Variants in SPRING1 observed in about 807,000 individuals in gnomAD.
SPRING1 encodes SREBP regulating gene protein.
Under a neutral mutation model 24.7 loss-of-function variants are expected in SPRING1, and 14 were observed. The ratio of observed to expected loss-of-function variants is 0.57; its 90% CI spans 0.37 to 0.88. The LOEUF is 0.88. Among genes scored for constraint, SPRING1 ranks in the 40% least tolerant of loss-of-function variants. The pLI is 0.00. For synonymous variants in SPRING1, 93 were observed against 106.1 expected (o/e 0.88, Z 0.76); for missense variants, 255 against 268.4 (o/e 0.95, Z 0.35).
Position 116,716,314 on chromosome 12 carries a change from G to C in SPRING1, c.*1496C>G, listed in dbSNP as rs1870127887. Reference sequence around the variant, plus strand: ...GGGAAATCACCACTACATATTGCAGGAATGTATTAGAAGGCAAATATGGCC... The same window carrying C: ...GGGAAATCACCACTACATATTGCAGCAATGTATTAGAAGGCAAATATGGCC... On this transcript the variant is annotated 3_prime_UTR_variant, in exon 5 of 5. Coordinates refer to ENST00000261318, the MANE Select transcript of SPRING1 (RefSeq NM_024738.4). 6.6e-6 allele frequency: 1 copy of C among 152,138 alleles called. No individual in the cohort carries two copies. Among genetic ancestry groups the C allele is most frequent in the Non-Finnish European group, 1.5e-5 (1 of 68,030 alleles). 9.4% of individuals were successfully genotyped at this position (152,138 alleles called of 1,614,324 possible). A position where few individuals can be genotyped will look rare whatever the true frequency, so the allele number is the denominator to read the frequency against.
chr12:116,731,090 C>T (rs1184582535), intron 1 of SPRING1, among the ~76,000 whole-genome samples: 1 of 152,244 alleles, frequency 6.6e-6, no homozygotes, highest in Admixed American at 6.5e-5. Flanking sequence ...AGGCATATTT[C>T]CCATTTCATT....
intron 1 of SPRING1, 151 bp from the exon 2 acceptor site, chr12:116,723,374 T>C: frequency 2.2e-6 from 2 of 903,902 alleles, no homozygotes; most frequent in Non-Finnish European, 3.2e-6. Context: ...AAGCAAAGCC[T>C]GAGCCAAAGT....
rs777757647 is a variant in SPRING1, at chr12:116,737,820, G to C, written c.81C>G (p.Leu27=). The C allele has an allele frequency of 3.8e-6, 6 of 1,595,220 alleles. No individual in the cohort carries two copies. Among genetic ancestry groups the C allele is most frequent in the Non-Finnish European group, 4.3e-6 (5 of 1,170,744 alleles). Residue 27 remains leucine (L), a synonymous_variant, in exon 1 of 5, where the codon CTC becomes CTG. Transcript: ENST00000261318. ...TGAAGGTGCTGCTGAGGAAGTAGAC[G>C]AGCGACAGCCCGAAGACCAGGGCGA... is the stretch of plus-strand genomic sequence containing the variant. ...WVLALVFGLS[L]VYFLSSTFKQ... is the part of the protein sequence containing the mutation.
In SPRING1 at chr12:116,712,722, G is replaced by A. The variant is rs1315654771; in HGVS notation, c.*5088C>T. On this transcript the variant is annotated 3_prime_UTR_variant, in exon 5 of 5. Transcript: ENST00000261318. ...TTCAAAGAACTGCTGGTGAGGTGCT[G>A]GGGAGTCAATCCGTCGTAGAGGGGA... 6.6e-6 allele frequency: 1 copy of A among 152,220 alleles called. No homozygotes were observed. Among genetic ancestry groups the A allele is most frequent in the Non-Finnish European group, 1.5e-5 (1 of 68,048 alleles). 9.4% of individuals were successfully genotyped at this position (152,220 alleles called of 1,614,324 possible).
chr12:116,728,542 GA>G lies in SPRING1; in HGVS notation c.112-5320del, dbSNP rs531922920. Among the ~76,000 whole-genome samples, 92 of 152,298 alleles carry G rather than the reference GA, an allele frequency of 6.0e-4. No homozygotes were observed. The highest frequency in any genetic ancestry group is 2.1e-3 in the African/African-American group (87 of 41,558). On this transcript the variant is annotated intron_variant, in intron 1 of 4. Transcript: ENST00000261318. The surrounding 1 kb of genome is among the most constrained non-coding windows in gnomAD (Gnocchi z 4.2). The stretch of plus-strand genomic sequence containing the variant: ...TATCCCCCATAGCATTAATTAACAT[GA>G]AAACCAAAGAAAAGAGGAATTCAAA...
chr12:116,729,365 G>T (rs1252315116), intron 1 of SPRING1, among the ~76,000 whole-genome samples: 1 of 152,222 alleles, frequency 6.6e-6, no homozygotes, highest in Non-Finnish European at 1.5e-5. Context: ...ACAGCTGCAG[G>T]TTCCTAAAAG....
intron 4 of SPRING1, among the ~76,000 whole-genome samples, 168 bp downstream of exon 4, chr12:116,719,595 T>C (rs1001686051): frequency 6.6e-6 from 1 of 152,206 alleles, no homozygotes; most frequent in Non-Finnish European, 1.5e-5. Flanking sequence ...CTTGTATAAA[T>C]CTCACGTTGA....
In SPRING1 at chr12:116,720,041, A is replaced by C. The variant is rs1257264550; in HGVS notation, c.421-165T>G. 6 of 724,142 alleles carry C rather than the reference A, an allele frequency of 8.3e-6. No homozygotes were observed. Among genetic ancestry groups the C allele is most frequent in the African/African-American group, 3.6e-5 (2 of 56,202 alleles). 44.9% of individuals were successfully genotyped at this position (724,142 alleles called of 1,614,324 possible). ...CACGCGTGCACACACGTGCATGCCA[A>C]AACACCCTGGGTATCTTATTCATTA... On this transcript the variant is annotated intron_variant, in intron 3 of 4. Coordinates refer to ENST00000261318, the MANE Select transcript of SPRING1 (RefSeq NM_024738.4). This position sits in a 1 kb window ranked among gnomAD's most constrained non-coding sequence, Gnocchi z 4.0.
intron 1 of SPRING1, among the ~76,000 whole-genome samples, chr12:116,725,746 C>G (rs368199616): frequency 3.3e-5 from 5 of 151,898 alleles, no homozygotes; most frequent in Admixed American, 2.6e-4. Flanking sequence ...ATTAGCTGGG[C>G]GTGGTGGCGG....
Position 116,728,458 on chromosome 12 carries a change from CA to C in SPRING1, c.112-5236del, listed in dbSNP as rs1280220722. On this transcript the variant is annotated intron_variant, in intron 1 of 4. Transcript: ENST00000261318. This position sits in a 1 kb window ranked among gnomAD's most constrained non-coding sequence, Gnocchi z 4.2. ...CATTCACCATTCCCAACCCTCCCCT[CA>C]ATGGCATCCCCACCATCATCACTGA... Among the ~76,000 whole-genome samples, 1 of 152,206 alleles carries C rather than the reference CA, an allele frequency of 6.6e-6. No homozygotes were observed. Among genetic ancestry groups the C allele is most frequent in the Non-Finnish European group, 1.5e-5 (1 of 68,044 alleles).
rs758754616 is a variant in SPRING1, at chr12:116,736,345, G to A, written c.111+1445C>T. On this transcript the variant is annotated intron_variant, in intron 1 of 4. Transcript: ENST00000261318. ...ACAAGACAGAGAAGGGACAACACGC[G>A]ACTGTGAGGAGGTGTCTGAGGTGGC... Among the ~76,000 whole-genome samples the A allele has an allele frequency of 5.3e-5, 8 of 152,278 alleles. No individual in the cohort carries two copies. In the South Asian group the frequency reaches 8.3e-4, roughly 16 times the overall value.
chr12:116,730,662 T>C (rs1281512309), intron 1 of SPRING1, among the ~76,000 whole-genome samples: 2 of 152,224 alleles, frequency 1.3e-5, no homozygotes, highest in Non-Finnish European at 2.9e-5. Context: ...TTCAGATCCA[T>C]GAGTCTGTGT....
intron 4 of SPRING1, among the ~76,000 whole-genome samples, chr12:116,718,375 C>T (rs1397603395): frequency 6.6e-6 from 1 of 152,242 alleles, no homozygotes; most frequent in Non-Finnish European, 1.5e-5. Context: ...CAATACCATG[C>T]AAGCCTCATT....
At position 116,717,685 on chromosome 12, in the gene SPRING1, A is replaced by G. The variant is rs183777921; in HGVS notation, c.*125T>C. On this transcript the variant is annotated 3_prime_UTR_variant, in exon 5 of 5. Coordinates refer to ENST00000261318, the MANE Select transcript of SPRING1 (RefSeq NM_024738.4). The surrounding 1 kb of genome is among the most constrained non-coding windows in gnomAD (Gnocchi z 4.2). ...GACAACACGAGAAGGGGTCAAAGCCAAGGTTTCCTCACGCTGCCTTTGTCT... is the reference window on the plus strand; with the variant it reads ...GACAACACGAGAAGGGGTCAAAGCCGAGGTTTCCTCACGCTGCCTTTGTCT... The G allele has an allele frequency of 3.6e-5, 30 of 843,702 alleles. No individual in the cohort carries two copies. The East Asian group carries it at 8.7e-4, about 24-fold the overall frequency. The allele number at this position is 843,702 out of a possible 1,614,324, so 52.3% of individuals were successfully genotyped here.
chr12:116,723,013 G>C (rs1273094314), intron 2 of SPRING1, 54 bp downstream of exon 2: 1 of 1,606,080 alleles, frequency 6.2e-7, no homozygotes, highest in Non-Finnish European at 8.5e-7. Context: ...CCTATGAATG[G>C]CCCAACCAGC....
At chr12:116,737,666 G>C in intron 1 of SPRING1, 124 bp downstream of exon 1, 1 of 1,103,740 alleles carries the variant, frequency 9.1e-7, no homozygotes, top group Non-Finnish European at 1.2e-6. Context: ...AGGAAGGGAA[G>C]GGGTAGGAAG....
At position 116,728,633 on chromosome 12, in the gene SPRING1, A is replaced by G. The variant is rs1422382372; in HGVS notation, c.112-5410T>C. ...TGCCGCATCTGCGCCATGAGTTTCCAGTCTCACCGCAGCGGAGCTAAGGTG... is the reference window on the plus strand; with the variant it reads ...TGCCGCATCTGCGCCATGAGTTTCCGGTCTCACCGCAGCGGAGCTAAGGTG... On this transcript the variant is annotated intron_variant, in intron 1 of 4. Transcript: ENST00000261318. This position sits in a 1 kb window ranked among gnomAD's most constrained non-coding sequence, Gnocchi z 4.2. Among the ~76,000 whole-genome samples, 2 of 152,260 alleles carry G rather than the reference A, an allele frequency of 1.3e-5. No homozygotes were observed. The highest frequency in any genetic ancestry group is 2.9e-5 in the Non-Finnish European group (2 of 68,044).
rs36071252 is a variant in SPRING1, at chr12:116,711,025, A to ACACACACACACACACACACACACACG, written c.*6784_*6785insCGTGTGTGTGTGTGTGTGTGTGTGTG. The ACACACACACACACACACACACACACG allele has an allele frequency of 1.2e-4, 18 of 150,928 alleles. No homozygotes were observed. The South Asian group carries it at 2.3e-3, about 19-fold the overall frequency. The allele number at this position is 150,928 out of a possible 1,614,324, so 9.3% of individuals were successfully genotyped here. On this transcript the variant is annotated 3_prime_UTR_variant, in exon 5 of 5. Coordinates refer to ENST00000261318, the MANE Select transcript of SPRING1 (RefSeq NM_024738.4). ...TTTTGTTACACACACACACACACAC[A>ACACACACACACACACACACACACACG]CACGCACACACAGAGCCAATGTATG...
chr12:116,719,967 T>C, intron 3 of SPRING1, 91 bp from the exon 4 acceptor site: 2 of 1,119,674 alleles, frequency 1.8e-6, no homozygotes, highest in Non-Finnish European at 1.3e-6. Context: ...AGAATGCTGA[T>C]ACAGGGAAGG....
Sources: gnomAD v4.1 joint callset for allele counts (sites outside exome capture counted in the v4.1 genomes callset) on GRCh38, gnomAD v4.1.1 for gene constraint, Gnocchi (gnomAD v3.1) non-coding constraint, MANE v1.5 for transcripts, NCBI Gene and HGNC (gene_info 2026-07-23, HGNC 2026-07-21) for gene names.